Variants in HGD observed in about 807,000 individuals in gnomAD.
HGD encodes homogentisate 1,2-dioxygenase, also known as homogentisate oxidase.
A neutral mutation model predicts 60.8 loss-of-function variants in HGD; 61 were observed. The ratio of observed to expected loss-of-function variants is 1.00; its 90% CI spans 0.82 to 1.24. The LOEUF is 1.24. HGD is among the 50% of genes most tolerant of loss of function. The pLI is 0.00. For synonymous variants in HGD, 212 were observed against 187.7 expected (o/e 1.13, Z -1.06); for missense variants, 542 against 547.1 (o/e 0.99, Z 0.09).
At chr3:120,638,370 C>G in intron 12 of HGD, 85 bp downstream of exon 12, 1 of 1,538,494 alleles carries the variant, frequency 6.5e-7, no homozygotes, top group Non-Finnish European at 9.0e-7. Flanking sequence ...CCAGAAATAA[C>G]CCAGGCATTA....
intron 1 of HGD, 107 bp from the exon 2 acceptor site, chr3:120,675,970 G>A (rs1708122970): frequency 1.2e-6 from 1 of 803,792 alleles, no homozygotes; most frequent in Non-Finnish European, 2.2e-6. Context: ...CTATGTTTGT[G>A]TATGATGTTC....
chr3:120,679,098 A>G (rs1708185822), intron 1 of HGD, among the ~76,000 whole-genome samples: 1 of 152,272 alleles, frequency 6.6e-6, no homozygotes, highest in Non-Finnish European at 1.5e-5. Flanking sequence ...TACTTTCTAA[A>G]TGCAAGAATA....
chr3:120,669,331 A>C (rs1195035558), intron 4 of HGD, among the ~76,000 whole-genome samples: 1 of 151,916 alleles, frequency 6.6e-6, no homozygotes, highest in African/African-American at 2.4e-5. Context: ...TATTTTGACC[A>C]ACCTATAAAA....
rs1409931130 is a variant in HGD, at chr3:120,670,392, TA to T, written c.282+34del. The stretch of plus-strand genomic sequence containing the variant: ...AGGTATTTCTAGTCAAGGCTTTGGG[TA>T]TATGATAAGCTTCAATTCACAGGAC... On this transcript the variant is annotated intron_variant, in intron 4 of 13. Transcript: ENST00000283871. 3 of 996,832 alleles carry T rather than the reference TA, an allele frequency of 3.0e-6. No homozygotes were observed. In the Admixed American group the frequency reaches 5.1e-5, roughly 17 times the overall value. 61.7% of individuals were successfully genotyped at this position (996,832 alleles called of 1,614,324 possible). A position where few individuals can be genotyped will look rare whatever the true frequency, so the allele number is the denominator to read the frequency against.
chr3:120,671,706 C>T (rs1444898198), intron 3 of HGD, among the ~76,000 whole-genome samples: 2 of 152,180 alleles, frequency 1.3e-5, no homozygotes, highest in African/African-American at 4.8e-5. Context: ...TATTGCAGCA[C>T]TATTCACAAT....
At chr3:120,651,858 C>G (rs1199346062) in intron 5 of HGD, among the ~76,000 whole-genome samples, 1 of 152,186 alleles carries the variant, frequency 6.6e-6, no homozygotes, top group African/African-American at 2.4e-5. Context: ...TGAATTGACG[C>G]CATTCTAGCC....
At chr3:120,666,137 G>C (rs565180833) in intron 4 of HGD, among the ~76,000 whole-genome samples, 56 of 152,182 alleles carry the variant, frequency 3.7e-4, no homozygotes, top group Non-Finnish European at 7.2e-4. Context: ...AGGTGACAGA[G>C]GTCACAAGTC....
chr3:120,679,028 T>C (rs1041192710), intron 1 of HGD, among the ~76,000 whole-genome samples: 1 of 152,250 alleles, frequency 6.6e-6, no homozygotes, highest in African/African-American at 2.4e-5. Context: ...TTCGGATTTC[T>C]GAATAATTTG....
chr3:120,652,477 C>T, intron 5 of HGD, 115 bp downstream of exon 5: 1 of 780,856 alleles, frequency 1.3e-6, no homozygotes, highest in South Asian at 1.4e-5. Flanking sequence ...GTGGTTTTGT[C>T]TCTGCTGCCT....
intron 4 of HGD, among the ~76,000 whole-genome samples, chr3:120,661,788 C>A (rs1707773917): frequency 6.6e-6 from 1 of 152,184 alleles, no homozygotes; most frequent in African/African-American, 2.4e-5. Flanking sequence ...TGTTGGCACA[C>A]ACCACTGAAT....
intron 4 of HGD, among the ~76,000 whole-genome samples, chr3:120,655,683 T>G (rs1458348813): frequency 1.3e-5 from 2 of 152,214 alleles, no homozygotes; most frequent in Non-Finnish European, 2.9e-5. Context: ...AAACATCTAC[T>G]AAAGCCAGCT....
At chr3:120,678,954 A>C (rs751169767) in intron 1 of HGD, among the ~76,000 whole-genome samples, 1 of 152,232 alleles carries the variant, frequency 6.6e-6, no homozygotes, top group Non-Finnish European at 1.5e-5. Flanking sequence ...GTAAAAGTAT[A>C]CTGTGTACAA....
rs147693584 is a variant in HGD at position 120,665,032 on chromosome 3, T to C, written c.282+5395A>G. Among the ~76,000 whole-genome samples, 1,464 of 152,268 alleles carry C rather than the reference T, an allele frequency of 9.6e-3. 23 individuals are homozygous for C. Among genetic ancestry groups the C allele is most frequent in the African/African-American group, 0.033 (1,369 of 41,544 alleles). Reference sequence around the variant, plus strand: ...ATGAGGGTGATAAAGTGGGTTTAGATTATTTCTCAAGGAGTCTGGCTGTGA... The same window carrying C: ...ATGAGGGTGATAAAGTGGGTTTAGACTATTTCTCAAGGAGTCTGGCTGTGA... On this transcript the variant is annotated intron_variant, in intron 4 of 13. Transcript: ENST00000283871.
chr3:120,636,220 C>G (rs1015740961), intron 12 of HGD, among the ~76,000 whole-genome samples: 25 of 149,860 alleles, frequency 1.7e-4, no homozygotes, highest in African/African-American at 6.2e-4. Context: ...GTGGAGGTTG[C>G]AGTGAGCTGA....
intron 3 of HGD, chr3:120,674,579 G>A (rs977345602): frequency 1.8e-5 from 5 of 278,636 alleles, no homozygotes; most frequent in Non-Finnish European, 3.6e-5. Context: ...TAAACCCCAA[G>A]CCAAAACTCA....
chr3:120,639,145 A>G (rs1940888246), intron 11 of HGD, among the ~76,000 whole-genome samples: 1 of 152,146 alleles, frequency 6.6e-6, no homozygotes, highest in Non-Finnish European at 1.5e-5. Context: ...ATGAAAATGG[A>G]CTAATACAGG....
chr3:120,642,713 C>T (rs951859628), intron 10 of HGD, among the ~76,000 whole-genome samples: 1 of 152,200 alleles, frequency 6.6e-6, no homozygotes. Flanking sequence ...CCAACAGGAA[C>T]TGAGGTCATA....
At chr3:120,673,893 T>C (rs1183425068) in intron 3 of HGD, among the ~76,000 whole-genome samples, 1 of 152,218 alleles carries the variant, frequency 6.6e-6, no homozygotes, top group Admixed American at 6.5e-5. Context: ...ATCTTTGTTT[T>C]ACGAATGAAG....
At chr3:120,646,849 A>G (rs1408203813) in intron 8 of HGD, 124 bp downstream of exon 8, 1 of 826,346 alleles carries the variant, frequency 1.2e-6, no homozygotes, top group Non-Finnish European at 2.1e-6. Context: ...TGCATAACTC[A>G]GATTCCCTCC....
Sources: allele counts gnomAD v4.1 joint callset (sites outside exome capture counted in the v4.1 genomes callset), GRCh38; gene constraint gnomAD v4.1.1; transcripts MANE v1.5; gene names NCBI Gene and HGNC (gene_info 2026-07-23, HGNC 2026-07-21).